SNX15: variants seen among roughly 807,000 people sequenced by gnomAD.
SNX15 encodes the protein sorting nexin-15.
Under a neutral mutation model 35.2 loss-of-function variants are expected in SNX15, and 29 were observed. That is an observed-to-expected ratio of 0.82 (90% CI 0.61 to 1.12). SNX15 has a LOEUF of 1.12. Among genes scored for constraint, SNX15 ranks in the 50% most tolerant of loss-of-function variants. The probability of loss-of-function intolerance (pLI) is 0.00; values close to 1 mark genes in which losing one functional copy is unlikely to be tolerated. For synonymous variants in SNX15, 189 were observed against 188.2 expected (o/e 1.00, Z -0.03); for missense variants, 400 against 451.5 (o/e 0.89, Z 1.03).
chr11:65,035,766 G>A, intron 6 of SNX15, 103 bp downstream of exon 6: 1 of 1,255,964 alleles, frequency 8.0e-7, no homozygotes, highest in Non-Finnish European at 1.1e-6. Flanking sequence ...GCAGATCAGG[G>A]AGAGACGTCT....
Position 65,035,669 on chromosome 11 carries a change from G to A in SNX15, c.664+6G>A. 8 of 1,597,876 alleles carry A rather than the reference G, an allele frequency of 5.0e-6. No individual in the cohort carries two copies. The highest frequency in any genetic ancestry group is 1.1e-5 in the South Asian group (1 of 88,874). ...CGACCCCTTCTCCAAGGAAGGTAAT[G>A]AGCTGGGACAGCCGGGAAGGAGCCA... is the stretch of plus-strand genomic sequence containing the variant. On this transcript the variant is annotated splice_donor_region_variant and intron_variant, in intron 6 of 7. Coordinates refer to ENST00000377244, the MANE Select transcript of SNX15 (RefSeq NM_013306.5).
chr11:65,034,026 A>G (rs1467642523), intron 3 of SNX15, among the ~76,000 whole-genome samples: 1 of 152,098 alleles, frequency 6.6e-6, no homozygotes, highest in Non-Finnish European at 1.5e-5. Flanking sequence ...CTTTTGAAGC[A>G]AGGTAAAGGA....
chr11:65,033,862 A>G (rs1781230606), intron 3 of SNX15, among the ~76,000 whole-genome samples: 1 of 151,822 alleles, frequency 6.6e-6, no homozygotes, highest in Non-Finnish European at 1.5e-5. Flanking sequence ...AGTGTGCGCC[A>G]CCACACCTAA....
rs532622026 is a variant in SNX15, at chr11:65,032,510, G to A, written c.215G>A (p.Arg72His). 1.5e-5 allele frequency: 25 copies of A among 1,614,142 alleles called. No individual in the cohort carries two copies. Among genetic ancestry groups the A allele is most frequent in the African/African-American group, 9.3e-5 (7 of 75,050 alleles). ...LAYTHRNLFR[R>H]LEEFPAFPRA... ...TACACCCACCGCAACCTCTTCCGCC[G>A]CCTCGAGGAGTTCCCTGCTTTCCCC... The change falls in exon 3 of 8, where the codon CGC becomes CAC. Residue 72 changes from arginine to histidine, a missense_variant. Physicochemically the swap from Arg to His is conservative, Grantham distance 29. Coordinates refer to ENST00000377244, the MANE Select transcript of SNX15 (RefSeq NM_013306.5).
intron 3 of SNX15, 87 bp downstream of exon 3, chr11:65,032,638 G>A: frequency 6.5e-7 from 1 of 1,543,124 alleles, no homozygotes; most frequent in South Asian, 1.1e-5. Flanking sequence ...TGGATAGAGA[G>A]GGCCTGAAAC....
At chr11:65,030,353 CAA>C (rs201609462) in intron 1 of SNX15, among the ~76,000 whole-genome samples, 1 of 149,888 alleles carries the variant, frequency 6.7e-6, no homozygotes, top group South Asian at 2.1e-4. Flanking sequence ...GACTCCATCT[CAA>C]AAAAAAATTT....
intron 3 of SNX15, among the ~76,000 whole-genome samples, chr11:65,034,329 G>A (rs1388535319): frequency 1.3e-5 from 2 of 152,206 alleles, no homozygotes; most frequent in Admixed American, 1.3e-4. Context: ...GCTGAGGCGG[G>A]AGGGCGGCTT....
At chr11:65,030,460 T>C (rs1385638193) in intron 1 of SNX15, among the ~76,000 whole-genome samples, 4 of 149,582 alleles carry the variant, frequency 2.7e-5, no homozygotes, top group Non-Finnish European at 5.9e-5. Context: ...TCCAAAGTGT[T>C]AGGATTACAG....
Position 65,035,198 on chromosome 11 carries a change from A to T in SNX15, c.512A>T (p.Glu171Val). 6.4e-7 allele frequency: 1 copy of T among 1,557,148 alleles called. No homozygotes were observed. The highest frequency in any genetic ancestry group is 8.7e-7 in the Non-Finnish European group (1 of 1,153,044). ...PAERRGLEEL[E>V]VPVDPPPSSP... is the part of the protein sequence containing the mutation. ...GAAAGGAGGGGCCTCGAGGAATTGG[A>T]GGTGCCAGGTACATCGGGGTGGGAG... is the stretch of plus-strand genomic sequence containing the variant. Residue 171 changes from glutamate to valine, a missense_variant, in exon 5 of 8, where the codon GAG becomes GTG. Coordinates refer to ENST00000377244, the MANE Select transcript of SNX15 (RefSeq NM_013306.5).
At position 65,031,802 on chromosome 11, in the gene SNX15, T is replaced by C. The variant is rs1369176545; in HGVS notation, c.100-366T>C. On this transcript the variant is annotated intron_variant, in intron 1 of 7. Coordinates refer to ENST00000377244, the MANE Select transcript of SNX15 (RefSeq NM_013306.5). ...TCTGTAGCTTCTTGGGAGGCTGAGGTAGGAAAATCGCTTGAACCCTGAAGG... is the reference window on the plus strand; with the variant it reads ...TCTGTAGCTTCTTGGGAGGCTGAGGCAGGAAAATCGCTTGAACCCTGAAGG... Among the ~76,000 whole-genome samples, 3 of 151,398 alleles carry C rather than the reference T, an allele frequency of 2.0e-5. No individual in the cohort carries two copies. In the East Asian group the frequency reaches 5.8e-4, roughly 29 times the overall value.
At chr11:65,029,461 T>C (rs1946416466) in intron 1 of SNX15, among the ~76,000 whole-genome samples, 2 of 151,110 alleles carry the variant, frequency 1.3e-5, no homozygotes, top group African/African-American at 2.4e-5. Context: ...CGGCCTCCCA[T>C]TGGCTTTTTA....
At chr11:65,028,002 T>A (rs1433143142) in intron 1 of SNX15, among the ~76,000 whole-genome samples, 2 of 152,372 alleles carry the variant, frequency 1.3e-5, no homozygotes, top group East Asian at 3.9e-4. Context: ...GTTTATTGGT[T>A]TGTTTGATGT....
intron 1 of SNX15, among the ~76,000 whole-genome samples, chr11:65,028,337 G>A (rs1946398085): frequency 6.6e-6 from 1 of 152,210 alleles, no homozygotes; most frequent in Admixed American, 6.5e-5. Flanking sequence ...ACAGGAGTTA[G>A]GGGAAGACTT....
At chr11:65,039,538 A>AT (rs1946552367) in intron 7 of SNX15, 148 bp from the exon 8 acceptor site, 1 of 573,866 alleles carries the variant, frequency 1.7e-6, no homozygotes, top group South Asian at 2.3e-5. Flanking sequence ...CAGTTTTCTT[A>AT]TTTGTAGACT....
chr11:65,037,371 A>G (rs1946515162), intron 6 of SNX15: 1 of 151,730 alleles, frequency 6.6e-6, no homozygotes, highest in East Asian at 1.9e-4. Context: ...GGCATGCACC[A>G]TCATGCCCAG....
In SNX15 at chr11:65,027,507, C is replaced by T. The variant is rs534624602; in HGVS notation, c.-31C>T. 48 of 1,588,640 alleles carry T rather than the reference C, an allele frequency of 3.0e-5. No homozygotes were observed. The highest frequency in any genetic ancestry group is 1.6e-4 in the African/African-American group (12 of 74,558). On this transcript the variant is annotated 5_prime_UTR_variant, in exon 1 of 8. Coordinates refer to ENST00000377244, the MANE Select transcript of SNX15 (RefSeq NM_013306.5). ...GGTGGGGACGGCGAGGAGGTGGAGG[C>T]CGGCGCTCCGCTCCGCTCCAGCTCG...
chr11:65,033,110 A>G (rs961330498), intron 3 of SNX15, among the ~76,000 whole-genome samples: 3 of 152,000 alleles, frequency 2.0e-5, no homozygotes, highest in Admixed American at 2.0e-4. Context: ...TCCTGACCTC[A>G]GCTGACCTGC....
At position 65,034,869 on chromosome 11, in the gene SNX15, C is replaced by T. The variant is rs375033086; in HGVS notation, c.279C>T (p.Ile93=). 15 of 1,613,946 alleles carry T rather than the reference C, an allele frequency of 9.3e-6. No homozygotes were observed. Among genetic ancestry groups the T allele is most frequent in the Admixed American group, 6.7e-5 (4 of 60,006 alleles). Reference sequence around the variant, plus strand: ...TAGGCCGGTTTGAAGCCTCAGTGATCGAGGAGCGGCGAAAGGGGGCAGAGG... The same window carrying T: ...TAGGCCGGTTTGAAGCCTCAGTGATTGAGGAGCGGCGAAAGGGGGCAGAGG... ...QVFGRFEASV[I]EERRKGAEDL... Residue 93 remains isoleucine, a synonymous_variant, in exon 4 of 8, where the codon ATC becomes ATT. Transcript: ENST00000377244.
rs774644574 is a variant in SNX15, at chr11:65,038,656, AGCCAGGAGG to A, written c.752_760del (p.Pro251_Gly253del). On this transcript the variant is annotated inframe_deletion, in exon 7 of 8. Transcript: ENST00000377244. Reference sequence around the variant, plus strand: ...GCAAGGCTGGACCAGGAACCCTGGGAGCCAGGAGGGCAGGAGGAGGAAGAGGATGGGGAA... The same window carrying A: ...GCAAGGCTGGACCAGGAACCCTGGGAGCAGGAGGAGGAAGAGGATGGGGAA... 2.5e-6 allele frequency: 4 copies of A among 1,613,032 alleles called. No individual in the cohort carries two copies. The highest frequency in any genetic ancestry group is 3.4e-6 in the Non-Finnish European group (4 of 1,179,596).
Sources: gnomAD v4.1 joint callset for allele counts (sites outside exome capture counted in the v4.1 genomes callset) on GRCh38, gnomAD v4.1.1 for gene constraint, MANE v1.5 for transcripts, NCBI Gene and HGNC (gene_info 2026-07-23, HGNC 2026-07-21) for gene names.